CDH2: variants seen among roughly 807,000 people sequenced by gnomAD.
The protein encoded by CDH2 is cadherin 2.
CDH2 carries 17 observed loss-of-function variants against 92.0 expected under a neutral mutation model. The observed-to-expected ratio is 0.18, with a 90% CI of 0.13 to 0.28. The LOEUF (loss-of-function observed/expected upper bound fraction) is 0.28, where lower values mean the gene tolerates loss of function less well. CDH2 is among the 10% of genes least tolerant of loss of function. The probability of loss-of-function intolerance (pLI) is 1.00; values close to 1 mark genes in which losing one functional copy is unlikely to be tolerated. For missense variants in CDH2, 862 were observed against 1,133.1 expected, an observed-to-expected ratio of 0.76 and a Z score of 3.44; for synonymous variants, 419 against 415.9, an observed-to-expected ratio of 1.01 and a Z score of -0.09.
chr18:28,130,287 G>A (rs1299292889), intron 2 of CDH2, among the ~76,000 whole-genome samples: 2 of 152,144 alleles, frequency 1.3e-5, no homozygotes, highest in Non-Finnish European at 2.9e-5. Context: ...GAGAGACTCA[G>A]GGGCTAAGTA....
chr18:28,012,430 G>A (rs1341000429), intron 3 of CDH2, among the ~76,000 whole-genome samples: 1 of 152,174 alleles, frequency 6.6e-6, no homozygotes, highest in Non-Finnish European at 1.5e-5. Flanking sequence ...GCTAAGGAAT[G>A]TCTCAAATAT....
intron 6 of CDH2, among the ~76,000 whole-genome samples, chr18:27,934,007 C>T (rs1420481796): frequency 6.6e-6 from 1 of 152,120 alleles, no homozygotes; most frequent in Non-Finnish European, 1.5e-5. Flanking sequence ...ATGTTATCAG[C>T]CAGTAAATAC....
intron 2 of CDH2, among the ~76,000 whole-genome samples, chr18:28,057,332 T>G (rs143656606): frequency 3.3e-5 from 5 of 152,200 alleles, no homozygotes; most frequent in African/African-American, 4.8e-5. Context: ...CATGCTAAAA[T>G]TACTGAAATT....
At chr18:27,968,827 A>T (rs1197602447) in intron 14 of CDH2, among the ~76,000 whole-genome samples, 2 of 152,342 alleles carry the variant, frequency 1.3e-5, no homozygotes, top group Admixed American at 1.3e-4. Context: ...AATGGACAAA[A>T]TTCTGAAGGA....
intron 6 of CDH2, among the ~76,000 whole-genome samples, chr18:27,936,387 T>C (rs1185705925): frequency 6.6e-6 from 1 of 152,174 alleles, no homozygotes; most frequent in Non-Finnish European, 1.5e-5. Context: ...GCTGAAAACC[T>C]TTCTCTTTCA....
chr18:27,989,988 T>C (rs758464514), intron 10 of CDH2, 109 bp downstream of exon 10: 51 of 876,736 alleles, frequency 5.8e-5, no homozygotes, highest in Non-Finnish European at 8.1e-5. Flanking sequence ...TTTTAATAAG[T>C]AGTTTTGATT....
intron 14 of CDH2, among the ~76,000 whole-genome samples, chr18:27,968,425 G>T (rs552930034): frequency 1.3e-5 from 2 of 152,160 alleles, no homozygotes; most frequent in Non-Finnish European, 2.9e-5. Context: ...CTGGAGGGGG[G>T]AGTTTAAGAT....
At chr18:27,945,189 C>T (rs1244575298) in intron 6 of CDH2, among the ~76,000 whole-genome samples, 1 of 151,882 alleles carries the variant, frequency 6.6e-6, no homozygotes, top group Non-Finnish European at 1.5e-5. Flanking sequence ...TACAGAAGTA[C>T]TGACGATCAA....
At chr18:28,113,419 A>G (rs1193773417) in intron 2 of CDH2, among the ~76,000 whole-genome samples, 1 of 151,714 alleles carries the variant, frequency 6.6e-6, no homozygotes, top group Non-Finnish European at 1.5e-5. Context: ...AAATACCTAC[A>G]TAGTTAATCA....
At chr18:28,028,783 T>G (rs951719257) in intron 2 of CDH2, among the ~76,000 whole-genome samples, 2 of 152,132 alleles carry the variant, frequency 1.3e-5, no homozygotes, top group Non-Finnish European at 2.9e-5. Flanking sequence ...TTCTAAAGGC[T>G]ACTTACATTT....
chr18:28,127,317 G>T (rs1442271430), intron 2 of CDH2, among the ~76,000 whole-genome samples: 2 of 152,168 alleles, frequency 1.3e-5, no homozygotes, highest in Admixed American at 1.3e-4. Context: ...GGATTCAGTG[G>T]ATGGATTCAA....
intron 1 of CDH2, among the ~76,000 whole-genome samples, chr18:28,149,873 T>G (rs957400898): frequency 4.6e-5 from 7 of 152,232 alleles, no homozygotes; most frequent in Non-Finnish European, 8.8e-5. Flanking sequence ...CTATCTGCTC[T>G]ACATATTTCA....
At chr18:28,114,933 T>C (rs890976222) in intron 2 of CDH2, among the ~76,000 whole-genome samples, 15 of 152,154 alleles carry the variant, frequency 9.9e-5, no homozygotes, top group African/African-American at 3.4e-4. Flanking sequence ...TGAATAGCTT[T>C]AAGGTTTAAA....
intron 5 of CDH2, among the ~76,000 whole-genome samples, chr18:28,008,416 T>C (rs2013002947): frequency 6.6e-6 from 1 of 152,172 alleles, no homozygotes; most frequent in South Asian, 2.1e-4. Context: ...AGAGAAAGTA[T>C]AGAGCAATAC....
intron 2 of CDH2, among the ~76,000 whole-genome samples, chr18:28,043,467 T>TATATATATATATATATATAA: frequency 1.7e-5 from 1 of 59,636 alleles, no homozygotes; most frequent in East Asian, 5.2e-4. Flanking sequence ...AATAAATATA[T>TATATATATATATATATATAA]ATATATATAT....
intron 2 of CDH2, among the ~76,000 whole-genome samples, chr18:28,082,021 C>T (rs1258513997): frequency 1.3e-5 from 2 of 152,152 alleles, no homozygotes; most frequent in South Asian, 2.1e-4. Flanking sequence ...AAGTTCATAG[C>T]CTTGTAAAAT....
chr18:28,010,684 G>A (rs1167951298), intron 4 of CDH2, among the ~76,000 whole-genome samples: 2 of 150,440 alleles, frequency 1.3e-5, no homozygotes, highest in African/African-American at 2.4e-5. Context: ...TTTTTTTGCG[G>A]GGGGGGAAGG....
At chr18:28,169,138 T>C (rs1271498056) in intron 1 of CDH2, among the ~76,000 whole-genome samples, 3 of 152,144 alleles carry the variant, frequency 2.0e-5, no homozygotes, top group Non-Finnish European at 4.4e-5. Flanking sequence ...CTAACAGACA[T>C]TGGCTTGAAA....
chr18:28,100,172 T>A (rs1296071597), intron 2 of CDH2, among the ~76,000 whole-genome samples: 1 of 152,160 alleles, frequency 6.6e-6, no homozygotes, highest in African/African-American at 2.4e-5. Context: ...TAGGTGTTTC[T>A]GTGAGTGTGT....
Sources: allele counts gnomAD v4.1 joint callset (sites outside exome capture counted in the v4.1 genomes callset), GRCh38; gene constraint gnomAD v4.1.1; transcripts MANE v1.5; gene names NCBI Gene and HGNC (gene_info 2026-07-23, HGNC 2026-07-21).